The following TES variants were observed in gnomAD, a reference collection of about 807,000 sequenced individuals.
TES encodes the protein testin.
TES carries 41 observed loss-of-function variants against 48.2 expected under a neutral mutation model. The observed-to-expected ratio is 0.85, with a 90% CI of 0.66 to 1.10. The LOEUF is 1.10. Ranked by LOEUF, TES falls within the 50% of genes least tolerant of loss-of-function variation. TES has a pLI of 0.00. For missense variants in TES, 463 were observed against 515.1 expected, an observed-to-expected ratio of 0.90 and a Z score of 0.98; for synonymous variants, 162 against 174.9, an observed-to-expected ratio of 0.93 and a Z score of 0.58.
At chr7:116,244,904 A>G (rs904566328) in intron 2 of TES, among the ~76,000 whole-genome samples, 1 of 152,154 alleles carries the variant, frequency 6.6e-6, no homozygotes, top group Non-Finnish European at 1.5e-5. Flanking sequence ...TGGGGCTTGC[A>G]CCCTCTGAAG....
Position 116,252,106 on chromosome 7 carries a change from A to G in TES, c.918+131A>G, listed in dbSNP as rs528986781. Reference sequence around the variant, plus strand: ...ACATCCAAAGAAGTTTTAAAAAATAAACTTCTGATATCATTCATTCTGTCT... The same window carrying G: ...ACATCCAAAGAAGTTTTAAAAAATAGACTTCTGATATCATTCATTCTGTCT... On this transcript the variant is annotated intron_variant, in intron 5 of 6. Transcript: ENST00000358204. The G allele has an allele frequency of 3.9e-4, 405 of 1,045,796 alleles. No homozygotes were observed. In the African/African-American group the frequency reaches 6.2e-3, roughly 16 times the overall value. 64.8% of individuals were successfully genotyped at this position (1,045,796 alleles called of 1,614,324 possible).
intron 2 of TES, among the ~76,000 whole-genome samples, chr7:116,242,572 T>C (rs1289940637): frequency 6.6e-6 from 1 of 152,100 alleles, no homozygotes; most frequent in Non-Finnish European, 1.5e-5. Flanking sequence ...TCAAATCTAA[T>C]ATTTTCAGTT....
At chr7:116,223,482 T>C (rs1216950092) in intron 1 of TES, among the ~76,000 whole-genome samples, 2 of 152,242 alleles carry the variant, frequency 1.3e-5, no homozygotes, top group Non-Finnish European at 2.9e-5. Flanking sequence ...GCGAAAATTT[T>C]CTCCCAAGTA....
chr7:116,211,076 C>T, intron 1 of TES: 1 of 212,994 alleles, frequency 4.7e-6, no homozygotes, highest in Non-Finnish European at 9.2e-6. Context: ...AAGGAAAGGA[C>T]GAGCTTAGGG....
At chr7:116,236,803 A>T (rs1416621792) in intron 2 of TES, among the ~76,000 whole-genome samples, 1 of 152,196 alleles carries the variant, frequency 6.6e-6, no homozygotes, top group Non-Finnish European at 1.5e-5. Flanking sequence ...ATAACCTTTT[A>T]CATTTCAATT....
At chr7:116,234,151 ATGTTAT>A (rs1799735408) in intron 1 of TES, among the ~76,000 whole-genome samples, 1 of 152,110 alleles carries the variant, frequency 6.6e-6, no homozygotes, top group Non-Finnish European at 1.5e-5. Flanking sequence ...GATGTAAAAT[ATGTTAT>A]TCAGGATGAG....
At chr7:116,247,187 G>A (rs926887137) in intron 2 of TES, among the ~76,000 whole-genome samples, 1 of 151,842 alleles carries the variant, frequency 6.6e-6, no homozygotes, top group Non-Finnish European at 1.5e-5. Context: ...ACAAAGGGAA[G>A]GAAATGGAGG....
chr7:116,218,399 A>G (rs1044825823), intron 1 of TES, among the ~76,000 whole-genome samples: 27 of 152,136 alleles, frequency 1.8e-4, no homozygotes, highest in African/African-American at 6.5e-4. Context: ...TTGTTTGATG[A>G]TAAAGTGATA....
At chr7:116,220,033 A>C (rs1312197116) in intron 1 of TES, among the ~76,000 whole-genome samples, 1 of 152,150 alleles carries the variant, frequency 6.6e-6, no homozygotes, top group East Asian at 1.9e-4. Flanking sequence ...TGTTAAACGA[A>C]GACATGTAAA....
chr7:116,214,191 A>G, intron 1 of TES, among the ~76,000 whole-genome samples: 1 of 152,268 alleles, frequency 6.6e-6, no homozygotes, highest in South Asian at 2.1e-4. Context: ...CATTTTAAAG[A>G]TTACATGTTA....
chr7:116,250,545 T>C (rs755449834), intron 4 of TES, 49 bp downstream of exon 4: 1 of 1,366,976 alleles, frequency 7.3e-7, no homozygotes, highest in Non-Finnish European at 9.5e-7. Flanking sequence ...CTTTACAGAA[T>C]TTTTTTCCCT....
chr7:116,252,029 TC>T, intron 5 of TES, 54 bp downstream of exon 5: 1 of 1,551,220 alleles, frequency 6.4e-7, no homozygotes, highest in Non-Finnish European at 8.9e-7. Context: ...CCTCATATGG[TC>T]CCTTTACCTA....
At chr7:116,217,125 C>G (rs893565406) in intron 1 of TES, among the ~76,000 whole-genome samples, 5 of 152,036 alleles carry the variant, frequency 3.3e-5, no homozygotes, top group Non-Finnish European at 7.4e-5. Flanking sequence ...GAATTATACC[C>G]GTCAGTGAAC....
chr7:116,249,469 C>T (rs1799973204), intron 3 of TES, 197 bp downstream of exon 3: 1 of 611,454 alleles, frequency 1.6e-6, no homozygotes, highest in African/African-American at 1.8e-5. Flanking sequence ...TTCCAACTCC[C>T]TAGATATGTT....
intron 1 of TES, among the ~76,000 whole-genome samples, chr7:116,229,483 C>T (rs966549844): frequency 6.6e-6 from 1 of 152,076 alleles, no homozygotes; most frequent in African/African-American, 2.4e-5. Context: ...ATTAGAGAAG[C>T]CCTTAGAGTA....
At chr7:116,235,914 T>C (rs1799764913) in intron 2 of TES, among the ~76,000 whole-genome samples, 1 of 152,212 alleles carries the variant, frequency 6.6e-6, no homozygotes. Flanking sequence ...GAAACAAAGA[T>C]AATTGTTTAA....
chr7:116,257,367 C>A lies in TES; in HGVS notation c.1151C>A (p.Ala384Glu). 6.2e-7 allele frequency: 1 copy of A among 1,614,058 alleles called. No homozygotes were observed. Among genetic ancestry groups the A allele is most frequent in the Non-Finnish European group, 8.5e-7 (1 of 1,179,984 alleles). The change falls in exon 7 of 7, where the codon GCA (alanine) becomes GAA (glutamate). Residue 384 changes from alanine (A) to glutamate (E), a missense_variant. Physicochemically the swap from Ala to Glu is moderately radical, Grantham distance 107 (BLOSUM62 -1). Coordinates refer to ENST00000358204, the MANE Select transcript of TES (RefSeq NM_015641.4). Reference protein sequence around the residue: ...RVTYNNFSWHASTECFLCSCC... With the variant: ...RVTYNNFSWHESTECFLCSCC... ...ACCTATAACAATTTCAGCTGGCATGCATCCACAGAGTGCTTTCTGTGCTCT... is the reference window on the plus strand; with the variant it reads ...ACCTATAACAATTTCAGCTGGCATGAATCCACAGAGTGCTTTCTGTGCTCT...
chr7:116,257,329 AG>A lies in TES; in HGVS notation c.1114del (p.Val372CysfsTer4). ...QGCHNAIDPE[V>X]QRVTYNNFSW... is the part of the protein sequence containing the mutation. ...GATGCCACAATGCCATCGACCCAGA[AG>A]TGCAGCGGGTGACCTATAACAATTT... is the stretch of plus-strand genomic sequence containing the variant. On this transcript the variant is annotated frameshift_variant, in exon 7 of 7. Transcript: ENST00000358204. LOFTEE classifies it high-confidence loss of function. The A allele has an allele frequency of 6.2e-7, 1 of 1,613,500 alleles. No homozygotes were observed. The highest frequency in any genetic ancestry group is 8.5e-7 in the Non-Finnish European group (1 of 1,179,768).
chr7:116,210,667 TC>T lies in TES; in HGVS notation c.-38del. 7.7e-7 allele frequency: 1 copy of T among 1,304,374 alleles called. No homozygotes were observed. Among genetic ancestry groups the T allele is most frequent in the Non-Finnish European group, 9.9e-7 (1 of 1,015,100 alleles). 80.8% of individuals were successfully genotyped at this position (1,304,374 alleles called of 1,614,324 possible). A position where few individuals can be genotyped will look rare whatever the true frequency, so the allele number is the denominator to read the frequency against. ...AGGCCAGCTGAACCCGGCCGTGGGA[TC>T]CCGGATAGGAGGAGGAGGGGACCCA... is the stretch of plus-strand genomic sequence containing the variant. On this transcript the variant is annotated 5_prime_UTR_variant, in exon 1 of 7. Coordinates refer to ENST00000358204, the MANE Select transcript of TES (RefSeq NM_015641.4).
Sources: allele counts gnomAD v4.1 joint callset (sites outside exome capture counted in the v4.1 genomes callset), GRCh38; gene constraint gnomAD v4.1.1; transcripts MANE v1.5; gene names NCBI Gene and HGNC (gene_info 2026-07-23, HGNC 2026-07-21).